BORCS5: variants seen among roughly 807,000 people sequenced by gnomAD.
BORCS5 encodes BLOC-1-related complex subunit 5.
A neutral mutation model predicts 22.1 loss-of-function variants in BORCS5; 17 were observed. The ratio of observed to expected loss-of-function variants is 0.77; its 90% CI spans 0.53 to 1.15. The LOEUF (loss-of-function observed/expected upper bound fraction) is 1.15. Ranked by LOEUF, BORCS5 falls within the 50% of genes most tolerant of loss-of-function variation. The pLI is 0.00. For synonymous variants in BORCS5, 117 were observed against 99.8 expected (o/e 1.17, Z -1.03); for missense variants, 247 against 253.2 (o/e 0.98, Z 0.17).
At chr12:12,367,462 A>G (rs538218073) in intron 2 of BORCS5, among the ~76,000 whole-genome samples, 1 of 152,338 alleles carries the variant, frequency 6.6e-6, no homozygotes, top group East Asian at 1.9e-4. Flanking sequence ...CAAATACCAT[A>G]TTGGAAAGAT....
At chr12:12,409,345 A>G (rs939009062) in intron 2 of BORCS5, among the ~76,000 whole-genome samples, 1 of 152,002 alleles carries the variant, frequency 6.6e-6, no homozygotes, top group African/African-American at 2.4e-5. Flanking sequence ...AGCATTAGGT[A>G]TATCTCCAAA....
intron 2 of BORCS5, among the ~76,000 whole-genome samples, chr12:12,402,910 G>A (rs1941509707): frequency 6.6e-6 from 1 of 152,164 alleles, no homozygotes; most frequent in South Asian, 2.1e-4. Flanking sequence ...AACGTTGGTA[G>A]GATAGAAAAA....
intron 2 of BORCS5, among the ~76,000 whole-genome samples, chr12:12,391,865 C>CAA (rs1407149813): frequency 3.9e-5 from 1 of 25,348 alleles, no homozygotes; most frequent in Non-Finnish European, 9.6e-5. Flanking sequence ...AACCCCGTCA[C>CAA]TAAAAAAAAA....
At chr12:12,449,739 C>T (rs1205223187) in intron 3 of BORCS5, among the ~76,000 whole-genome samples, 6 of 152,148 alleles carry the variant, frequency 3.9e-5, no homozygotes, top group African/African-American at 7.2e-5. Flanking sequence ...AAATCGATGC[C>T]GTTCAGCCTG....
At chr12:12,390,486 C>A (rs768228719) in intron 2 of BORCS5, among the ~76,000 whole-genome samples, 50 of 151,976 alleles carry the variant, frequency 3.3e-4, no homozygotes, top group Non-Finnish European at 6.3e-4. Flanking sequence ...ACTAGAAATA[C>A]AGAAAGTTAT....
At chr12:12,461,805 G>A (rs1943109488) in intron 3 of BORCS5, among the ~76,000 whole-genome samples, 1 of 152,190 alleles carries the variant, frequency 6.6e-6, no homozygotes, top group Admixed American at 6.5e-5. Context: ...ACTTCTGCAT[G>A]CACACACCAC....
At chr12:12,414,314 G>C (rs1255861050) in intron 2 of BORCS5, among the ~76,000 whole-genome samples, 1 of 80,600 alleles carries the variant, frequency 1.2e-5, no homozygotes, top group Non-Finnish European at 2.6e-5. Context: ...TCCCGGACGG[G>C]GCGGCTGGCC....
chr12:12,366,216 A>G (rs963513643), intron 2 of BORCS5, among the ~76,000 whole-genome samples: 2 of 152,204 alleles, frequency 1.3e-5, no homozygotes, highest in Non-Finnish European at 2.9e-5. Flanking sequence ...ACTTAATGAC[A>G]GTTTATTCTT....
At chr12:12,434,742 T>G (rs926119860) in intron 2 of BORCS5, among the ~76,000 whole-genome samples, 1 of 152,252 alleles carries the variant, frequency 6.6e-6, no homozygotes, top group Non-Finnish European at 1.5e-5. Flanking sequence ...TTAAATGATT[T>G]AATATTTAAG....
chr12:12,432,380 G>A (rs1228587513), intron 2 of BORCS5, among the ~76,000 whole-genome samples: 11 of 152,128 alleles, frequency 7.2e-5, no homozygotes, highest in Admixed American at 7.2e-4. Context: ...TCAGTGATAG[G>A]GTAGCCCTTG....
At chr12:12,414,842 C>T (rs966564548) in intron 2 of BORCS5, among the ~76,000 whole-genome samples, 5 of 148,448 alleles carry the variant, frequency 3.4e-5, no homozygotes, top group East Asian at 2.0e-4. Context: ...ACGGGGCGGC[C>T]GGGCAGAGAC....
intron 2 of BORCS5, among the ~76,000 whole-genome samples, chr12:12,371,405 A>G (rs1026472391): frequency 4.6e-5 from 7 of 151,952 alleles, no homozygotes; most frequent in African/African-American, 1.5e-4. Context: ...GAATCCTCCT[A>G]CCTCAGCCTC....
chr12:12,388,722 T>C (rs1233162247), intron 2 of BORCS5, among the ~76,000 whole-genome samples: 4 of 150,864 alleles, frequency 2.7e-5, no homozygotes. Flanking sequence ...GACCAGAGGA[T>C]GGCTGACATT....
At chr12:12,451,608 GC>G (rs1281472881) in intron 3 of BORCS5, among the ~76,000 whole-genome samples, 12 of 152,198 alleles carry the variant, frequency 7.9e-5, no homozygotes, top group African/African-American at 2.9e-4. Context: ...AACTGGCTGG[GC>G]GCAGTGGCTC....
intron 1 of BORCS5, 126 bp downstream of exon 1, chr12:12,357,635 G>C (rs1053497378): frequency 2.2e-5 from 22 of 1,006,894 alleles, no homozygotes; most frequent in Non-Finnish European, 3.0e-5. Flanking sequence ...CGTGCTAGTA[G>C]GAAAAAAAAA....
At chr12:12,464,868 G>A (rs1025153092) in intron 3 of BORCS5, among the ~76,000 whole-genome samples, 1 of 152,156 alleles carries the variant, frequency 6.6e-6, no homozygotes, top group African/African-American at 2.4e-5. Context: ...GCCCTGGCAG[G>A]GAGAGCCTCC....
chr12:12,375,693 CAGAA>C (rs1209955954), intron 2 of BORCS5, among the ~76,000 whole-genome samples: 3 of 152,166 alleles, frequency 2.0e-5, no homozygotes, highest in Admixed American at 6.5e-5. Flanking sequence ...TTCAGTTTCA[CAGAA>C]AGCCAGTGAA....
At chr12:12,447,256 C>G (rs1257535819) in intron 3 of BORCS5, among the ~76,000 whole-genome samples, 1 of 152,194 alleles carries the variant, frequency 6.6e-6, no homozygotes, top group Non-Finnish European at 1.5e-5. Flanking sequence ...TGCTGTGCCC[C>G]CTCCTGCTGG....
At chr12:12,459,784 T>C (rs1592143758) in intron 3 of BORCS5, among the ~76,000 whole-genome samples, 1 of 152,250 alleles carries the variant, frequency 6.6e-6, no homozygotes, top group Non-Finnish European at 1.5e-5. Flanking sequence ...CACAAATTGT[T>C]GAAAAACTTT....
Sources: gnomAD v4.1 joint callset for allele counts (sites outside exome capture counted in the v4.1 genomes callset) on GRCh38, gnomAD v4.1.1 for gene constraint, MANE v1.5 for transcripts, NCBI Gene and HGNC (gene_info 2026-07-23, HGNC 2026-07-21) for gene names.